Variants in OLA1 observed in about 807,000 individuals in gnomAD.
The protein encoded by OLA1 is obg-like ATPase 1.
In OLA1, 14 loss-of-function variants were observed where a neutral mutation model predicts 48.4. That is an observed-to-expected ratio of 0.29 (90% CI 0.19 to 0.45). The LOEUF is 0.45. Among genes scored for constraint, OLA1 ranks in the 20% least tolerant of loss-of-function variants. The pLI is 1.00. For missense variants in OLA1, 325 were observed against 467.1 expected (o/e 0.70, Z 2.80); for synonymous variants, 127 against 150.4 (o/e 0.84, Z 1.14).
At chr2:174,241,370 T>A (rs4277492) in intron 2 of OLA1, among the ~76,000 whole-genome samples, 21,211 of 152,284 alleles carry the variant, frequency 0.14, 1,643 homozygotes, top group East Asian at 0.23. Flanking sequence ...CAGATAACTA[T>A]ACAATGGTGA....
At chr2:174,084,947 TAA>T (rs903318114) in intron 7 of OLA1, among the ~76,000 whole-genome samples, 24 of 152,308 alleles carry the variant, frequency 1.6e-4, no homozygotes, top group Admixed American at 1.2e-3. Flanking sequence ...GAAGGAACAG[TAA>T]AGACAGTAGA....
At chr2:174,139,864 C>CA (rs1162058790) in intron 5 of OLA1, among the ~76,000 whole-genome samples, 1,043 of 76,430 alleles carry the variant, frequency 0.014, 29 homozygotes, top group African/African-American at 0.046. Context: ...GACTCAGTCT[C>CA]AAAAAAAAAA....
chr2:174,228,651 G>C (rs781346892), intron 3 of OLA1, among the ~76,000 whole-genome samples: 16 of 151,704 alleles, frequency 1.1e-4, no homozygotes, highest in Non-Finnish European at 2.2e-4. Flanking sequence ...CAAACATAGA[G>C]GAATATAAGA....
chr2:174,093,489 C>CACCA lies in OLA1; in HGVS notation c.729-11429_729-11426dup, dbSNP rs780285784. ...TTCTCAAAAAAAAAACCAAACAAAC[C>CACCA]ACCAACCAACCAACCAATCAAACAC... On this transcript the variant is annotated intron_variant, in intron 7 of 10. Transcript: ENST00000284719. 4.9e-3 allele frequency among the ~76,000 whole-genome samples: 740 copies of CACCA among 151,394 alleles called. 9 individuals carry two copies. The Middle Eastern group carries it at 0.055, about 11-fold the overall frequency.
rs545838162 is a variant in OLA1, at chr2:174,110,727, G to A, written c.728+12453C>T. 1.6e-4 allele frequency among the ~76,000 whole-genome samples: 25 copies of A among 152,220 alleles called. No individual in the cohort carries two copies. The South Asian group carries it at 1.7e-3, about 10-fold the overall frequency. On this transcript the variant is annotated intron_variant, in intron 7 of 10. Coordinates refer to ENST00000284719, the MANE Select transcript of OLA1 (RefSeq NM_013341.5). ...CTCCTGAGTAGCTGGGACTATAGGC[G>A]CATGCCACTGTGTCTGGCTAATGTT...
intron 2 of OLA1, among the ~76,000 whole-genome samples, chr2:174,244,378 C>T (rs1269142697): frequency 2.0e-5 from 3 of 152,158 alleles, no homozygotes; most frequent in African/African-American, 4.8e-5. Flanking sequence ...GTAAACAGCA[C>T]ACACACTTAT....
At chr2:174,224,651 A>G (rs1375823082) in intron 3 of OLA1, among the ~76,000 whole-genome samples, 2 of 152,158 alleles carry the variant, frequency 1.3e-5, no homozygotes, top group Non-Finnish European at 2.9e-5. Flanking sequence ...GAAGAGGTTT[A>G]CTGGAGGGGG....
intron 4 of OLA1, among the ~76,000 whole-genome samples, chr2:174,156,101 C>T (rs1360107159): frequency 6.6e-6 from 1 of 152,168 alleles, no homozygotes; most frequent in Non-Finnish European, 1.5e-5. Context: ...GGACCTCATA[C>T]AGAGCAGGCC....
chr2:174,142,078 G>A, intron 4 of OLA1, 78 bp from the exon 5 acceptor site: 1 of 1,236,508 alleles, frequency 8.1e-7, no homozygotes, highest in Non-Finnish European at 1.2e-6. Flanking sequence ...AAGATTCCTA[G>A]AAGGTTAACA....
rs150926473 is a variant in OLA1, at chr2:174,076,770, T to C, written c.1090-1243A>G. Reference sequence around the variant, plus strand: ...ATATGTGTGTGTGTGTATACATATATATTTATATTTATATATATTTCATAT... The same window carrying C: ...ATATGTGTGTGTGTGTATACATATACATTTATATTTATATATATTTCATAT... On this transcript the variant is annotated intron_variant, in intron 10 of 10. Transcript: ENST00000284719. 2.7e-3 allele frequency among the ~76,000 whole-genome samples: 402 copies of C among 149,608 alleles called. 1 individual carries two copies. The highest frequency in any genetic ancestry group is 9.1e-3 in the African/African-American group (372 of 40,998).
chr2:174,072,739 T>C lies in OLA1; in HGVS notation c.*2687A>G, dbSNP rs3739152. On this transcript the variant is annotated 3_prime_UTR_variant, in exon 11 of 11. Transcript: ENST00000284719. ...TAGAGACAAACATCAAACTGGAATT[T>C]TAATATAGGAATATTGATGAATCAT... 0.54 allele frequency: 82,617 copies of C among 151,930 alleles called. 23,135 individuals are homozygous for C. Among genetic ancestry groups the C allele is most frequent in the East Asian group, 0.95 (4,891 of 5,170 alleles). The allele number at this position is 151,930 out of a possible 1,614,324, so 9.4% of individuals were successfully genotyped here. A position where few individuals can be genotyped will look rare whatever the true frequency, so the allele number is the denominator to read the frequency against.
intron 10 of OLA1, among the ~76,000 whole-genome samples, chr2:174,076,407 T>G (rs994892957): frequency 6.6e-6 from 1 of 152,160 alleles, no homozygotes; most frequent in Admixed American, 6.6e-5. Context: ...AATAAGGACT[T>G]GAGGATCTTT....
chr2:174,178,517 T>C (rs934372200), intron 4 of OLA1, among the ~76,000 whole-genome samples: 1 of 151,944 alleles, frequency 6.6e-6, no homozygotes, highest in African/African-American at 2.4e-5. Context: ...AGAAAAAATA[T>C]AGTAAACTTA....
intron 2 of OLA1, among the ~76,000 whole-genome samples, chr2:174,239,714 C>CAAAAAAA (rs35332033): frequency 1.6e-5 from 1 of 60,628 alleles, no homozygotes; most frequent in Non-Finnish European, 2.9e-5. Context: ...CCCATCTCTA[C>CAAAAAAA]AAAAAAAAAA....
chr2:174,115,297 A>C (rs1685755429), intron 7 of OLA1, among the ~76,000 whole-genome samples: 1 of 152,204 alleles, frequency 6.6e-6, no homozygotes, highest in Admixed American at 6.5e-5. Context: ...AGGGGCTTTT[A>C]AAAAGTGCTT....
chr2:174,120,058 T>A (rs944795257), intron 7 of OLA1, among the ~76,000 whole-genome samples: 3 of 152,070 alleles, frequency 2.0e-5, no homozygotes, highest in Non-Finnish European at 4.4e-5. Flanking sequence ...AATATAATTA[T>A]CCTTTATTAA....
chr2:174,119,846 T>C (rs1685871930), intron 7 of OLA1, among the ~76,000 whole-genome samples: 1 of 152,132 alleles, frequency 6.6e-6, no homozygotes, highest in South Asian at 2.1e-4. Context: ...CTTGAATCAA[T>C]TTCATCACTC....
At chr2:174,201,075 T>G (rs1184552957) in intron 4 of OLA1, among the ~76,000 whole-genome samples, 1 of 152,178 alleles carries the variant, frequency 6.6e-6, no homozygotes, top group Non-Finnish European at 1.5e-5. Context: ...TCCACTCTAT[T>G]CCTAGAAATG....
At chr2:174,184,618 T>C (rs1687611999) in intron 4 of OLA1, among the ~76,000 whole-genome samples, 2 of 152,230 alleles carry the variant, frequency 1.3e-5, no homozygotes, top group South Asian at 4.1e-4. Flanking sequence ...GTCTAGAGTT[T>C]AGTTAACAGC....
Sources: allele counts gnomAD v4.1 joint callset (sites outside exome capture counted in the v4.1 genomes callset), GRCh38; gene constraint gnomAD v4.1.1; transcripts MANE v1.5; gene names NCBI Gene and HGNC (gene_info 2026-07-23, HGNC 2026-07-21).